Variants in APP observed in about 807,000 individuals in gnomAD.
The protein encoded by APP is amyloid beta precursor protein.
In APP, 31 loss-of-function variants were observed where a neutral mutation model predicts 101.4. The observed-to-expected ratio is 0.31, with a 90% CI of 0.23 to 0.41. The LOEUF (loss-of-function observed/expected upper bound fraction) is 0.41, where lower values mean the gene tolerates loss of function less well. Among genes scored for constraint, APP ranks in the 10% least tolerant of loss-of-function variants. APP has a pLI of 1.00. For missense variants in APP, 839 were observed against 1,003.7 expected (o/e 0.84, Z 2.22); for synonymous variants, 366 against 364.4 (o/e 1.00, Z -0.05).
chr21:26,062,661 C>CAAATAAATAAATAAATAAAT (rs10529214), intron 3 of APP, among the ~76,000 whole-genome samples: 2,747 of 145,312 alleles, frequency 0.019, 27 homozygotes, highest in Middle Eastern at 0.024. Flanking sequence ...GACTCTGTCT[C>CAAATAAATAAATAAATAAAT]AAATAAATAA....
intron 1 of APP, among the ~76,000 whole-genome samples, chr21:26,163,040 C>G (rs1418682013): frequency 7.0e-6 from 1 of 141,924 alleles, no homozygotes; most frequent in African/African-American, 2.7e-5. Flanking sequence ...CCACCCTGGC[C>G]AATGTAGTGA....
At chr21:26,111,283 A>G (rs1374909394) in intron 2 of APP, among the ~76,000 whole-genome samples, 1 of 152,178 alleles carries the variant, frequency 6.6e-6, no homozygotes, top group African/African-American at 2.4e-5. Flanking sequence ...TCAAAAAGTA[A>G]AATTAATAAG....
chr21:26,149,257 A>G (rs1036150882), intron 1 of APP, among the ~76,000 whole-genome samples: 3 of 152,240 alleles, frequency 2.0e-5, no homozygotes, highest in African/African-American at 7.2e-5. Flanking sequence ...GGTTAAGAGT[A>G]AAGACAATGA....
chr21:26,149,434 C>G (rs1305351118), intron 1 of APP, among the ~76,000 whole-genome samples: 2 of 152,160 alleles, frequency 1.3e-5, no homozygotes, highest in African/African-American at 4.8e-5. Context: ...ATTACTATTG[C>G]CACAACCAAG....
At chr21:25,939,192 C>T (rs2040475274) in intron 13 of APP, among the ~76,000 whole-genome samples, 1 of 152,084 alleles carries the variant, frequency 6.6e-6, no homozygotes, top group Admixed American at 6.6e-5. Context: ...TTCATGTTCC[C>T]TTGAGGAGCT....
chr21:26,032,003 C>T (rs2044851220), intron 5 of APP, among the ~76,000 whole-genome samples: 1 of 152,198 alleles, frequency 6.6e-6, no homozygotes, highest in Non-Finnish European at 1.5e-5. Flanking sequence ...CAAGGCCTCC[C>T]TTGCCTCTGT....
At chr21:25,982,765 C>T (rs1320344872) in intron 8 of APP, among the ~76,000 whole-genome samples, 1 of 152,136 alleles carries the variant, frequency 6.6e-6, no homozygotes, top group Non-Finnish European at 1.5e-5. Flanking sequence ...ATGCAAAGAG[C>T]AAAAACAGTT....
intron 5 of APP, among the ~76,000 whole-genome samples, chr21:26,043,423 G>A (rs1228933892): frequency 6.6e-6 from 1 of 151,406 alleles, no homozygotes; most frequent in Non-Finnish European, 1.5e-5. Flanking sequence ...TAGAGAGGGG[G>A]TTTTTCCATG....
intron 8 of APP, among the ~76,000 whole-genome samples, chr21:25,992,302 C>T (rs930917928): frequency 6.6e-6 from 1 of 151,642 alleles, no homozygotes; most frequent in African/African-American, 2.4e-5. Flanking sequence ...ACAGGGGGAT[C>T]TCTTGAACCC....
chr21:25,897,822 C>T (rs551142927), intron 15 of APP, 149 bp from the exon 16 acceptor site: 1 of 675,604 alleles, frequency 1.5e-6, no homozygotes, highest in African/African-American at 1.8e-5. Context: ...AAAATGATAC[C>T]CTATATTTAA....
chr21:26,087,467 T>C lies in APP; in HGVS notation c.355+2476A>G, dbSNP rs1035605090. Reference sequence around the variant, plus strand: ...TCAGACACAACCAGAACTGAGAAATTTGCTTAACATGTCACAAGTGACCCA... The same window carrying C: ...TCAGACACAACCAGAACTGAGAAATCTGCTTAACATGTCACAAGTGACCCA... On this transcript the variant is annotated intron_variant, in intron 3 of 17. Transcript: ENST00000346798. Among the ~76,000 whole-genome samples the C allele has an allele frequency of 4.6e-5, 7 of 152,312 alleles. No homozygotes were observed. In the South Asian group the frequency reaches 1.4e-3, roughly 32 times the overall value.
chr21:26,001,641 C>G (rs1260773756), intron 6 of APP, among the ~76,000 whole-genome samples: 1 of 152,120 alleles, frequency 6.6e-6, no homozygotes, highest in South Asian at 2.1e-4. Flanking sequence ...TGGGATTACC[C>G]TTGTACCAGC....
intron 3 of APP, among the ~76,000 whole-genome samples, chr21:26,083,500 C>G (rs1192769081): frequency 1.3e-5 from 2 of 152,086 alleles, no homozygotes; most frequent in African/African-American, 4.8e-5. Flanking sequence ...GCAAGGAAGC[C>G]AAATGGTTTT....
intron 5 of APP, among the ~76,000 whole-genome samples, chr21:26,032,794 GAAAA>G (rs67118069): frequency 1.5e-5 from 2 of 137,710 alleles, no homozygotes; most frequent in South Asian, 2.5e-4. Flanking sequence ...TATTATTTTA[GAAAA>G]AAAAAAAATA....
chr21:26,084,381 G>A (rs2061662048), intron 3 of APP, among the ~76,000 whole-genome samples: 1 of 32 alleles, frequency 0.031, no homozygotes, highest in Non-Finnish European at 0.05. Context: ...TGGGATTACA[G>A]GCGCCCGCAC....
chr21:26,091,940 T>C (rs1486747495), intron 2 of APP, among the ~76,000 whole-genome samples: 1 of 152,168 alleles, frequency 6.6e-6, no homozygotes, highest in Non-Finnish European at 1.5e-5. Context: ...AGTTAGACGA[T>C]ACACGGAATT....
chr21:25,905,143 C>T, intron 14 of APP, 66 bp from the exon 15 acceptor site: 1 of 1,376,648 alleles, frequency 7.3e-7, no homozygotes, highest in Non-Finnish European at 1.0e-6. Context: ...GTCGTGGCTC[C>T]CAAACATAGT....
intron 6 of APP, among the ~76,000 whole-genome samples, chr21:26,007,384 A>C (rs1362677417): frequency 6.8e-6 from 1 of 147,274 alleles, no homozygotes; most frequent in African/African-American, 2.4e-5. Flanking sequence ...ATTAGATTAT[A>C]ATATATTATA....
At chr21:26,011,581 C>T (rs1210025757) in intron 6 of APP, among the ~76,000 whole-genome samples, 1 of 152,130 alleles carries the variant, frequency 6.6e-6, no homozygotes, top group African/African-American at 2.4e-5. Flanking sequence ...CAACAATTAT[C>T]TGGCCCAAAA....
Sources: gnomAD v4.1 joint callset for allele counts (sites outside exome capture counted in the v4.1 genomes callset) on GRCh38, gnomAD v4.1.1 for gene constraint, MANE v1.5 for transcripts, NCBI Gene and HGNC (gene_info 2026-07-23, HGNC 2026-07-21) for gene names.